The following KCNIP1 variants were observed in gnomAD, a reference collection of about 807,000 sequenced individuals.
KCNIP1 encodes the protein A-type potassium channel modulatory protein KCNIP1.
KCNIP1 carries 18 observed loss-of-function variants against 33.0 expected under a neutral mutation model. That is an observed-to-expected ratio of 0.55 (90% CI 0.38 to 0.81). KCNIP1 has a LOEUF of 0.81. Among genes scored for constraint, KCNIP1 ranks in the 30% least tolerant of loss-of-function variants. The probability of loss-of-function intolerance (pLI) is 0.00; values close to 1 mark genes in which losing one functional copy is unlikely to be tolerated. For synonymous variants in KCNIP1, 93 were observed against 98.3 expected (o/e 0.95, Z 0.32); for missense variants, 238 against 271.6 (o/e 0.88, Z 0.87).
chr5:170,388,662 GT>G (rs1764585276), intron 1 of KCNIP1, among the ~76,000 whole-genome samples: 1 of 152,204 alleles, frequency 6.6e-6, no homozygotes, highest in South Asian at 2.1e-4. Context: ...AGAGTACATT[GT>G]TGAACAGTTT....
intron 1 of KCNIP1, among the ~76,000 whole-genome samples, chr5:170,399,653 A>G (rs1754846800): frequency 6.6e-6 from 1 of 152,264 alleles, no homozygotes; most frequent in East Asian, 1.9e-4. Flanking sequence ...GGAATATACT[A>G]TACAATTTAA....
chr5:170,702,198 C>T (rs1243722953), intron 1 of KCNIP1, among the ~76,000 whole-genome samples: 2 of 152,162 alleles, frequency 1.3e-5, no homozygotes, highest in African/African-American at 2.4e-5. Context: ...TAGAAGAGTG[C>T]TTGGCACCTA....
intron 1 of KCNIP1, among the ~76,000 whole-genome samples, chr5:170,445,461 G>A (rs1237838039): frequency 1.3e-5 from 2 of 152,188 alleles, no homozygotes; most frequent in African/African-American, 2.4e-5. Flanking sequence ...GGATTCCTGG[G>A]GTGGCAGCTA....
intron 1 of KCNIP1, among the ~76,000 whole-genome samples, chr5:170,421,328 G>A (rs186185046): frequency 1.3e-3 from 192 of 152,264 alleles, no homozygotes; most frequent in African/African-American, 4.2e-3. Context: ...ACCCAGTTTC[G>A]CCATGTGGTT....
chr5:170,361,248 G>T (rs1055574208), intron 1 of KCNIP1, among the ~76,000 whole-genome samples: 2 of 152,292 alleles, frequency 1.3e-5, no homozygotes, highest in Admixed American at 6.5e-5. Context: ...GAGGAGCTTT[G>T]GGGGAGAGGA....
intron 1 of KCNIP1, among the ~76,000 whole-genome samples, chr5:170,653,499 C>G (rs1480294494): frequency 6.6e-6 from 1 of 152,080 alleles, no homozygotes; most frequent in African/African-American, 2.4e-5. Flanking sequence ...TCTGCCCAAT[C>G]CAGCCTCAGG....
chr5:170,630,679 AG>A (rs2113670415), intron 1 of KCNIP1, among the ~76,000 whole-genome samples: 1 of 152,358 alleles, frequency 6.6e-6, no homozygotes, highest in Non-Finnish European at 1.5e-5. Context: ...CATCAAGACC[AG>A]GGGTCAGGGA....
intron 1 of KCNIP1, among the ~76,000 whole-genome samples, chr5:170,405,654 G>A (rs1420411085): frequency 6.6e-6 from 1 of 152,206 alleles, no homozygotes; most frequent in Non-Finnish European, 1.5e-5. Flanking sequence ...AAAAGTATTA[G>A]TGTCTGTGGT....
intron 1 of KCNIP1, among the ~76,000 whole-genome samples, chr5:170,570,637 G>A (rs1352543514): frequency 6.6e-6 from 1 of 152,220 alleles, no homozygotes; most frequent in Non-Finnish European, 1.5e-5. Context: ...AGGGCTCAAA[G>A]GAATCGATTC....
At chr5:170,646,865 C>G (rs919480352) in intron 1 of KCNIP1, among the ~76,000 whole-genome samples, 2 of 152,084 alleles carry the variant, frequency 1.3e-5, no homozygotes, top group African/African-American at 4.8e-5. Flanking sequence ...AAAACAAAAA[C>G]CTCATGTAAC....
intron 1 of KCNIP1, among the ~76,000 whole-genome samples, chr5:170,386,298 G>A (rs188009996): frequency 2.3e-4 from 35 of 152,322 alleles, no homozygotes; most frequent in Admixed American, 2.0e-3. Context: ...CAATTAGAGT[G>A]ATGTGACCAC....
intron 1 of KCNIP1, among the ~76,000 whole-genome samples, chr5:170,561,766 C>A (rs1050931329): frequency 6.6e-6 from 1 of 152,176 alleles, no homozygotes; most frequent in African/African-American, 2.4e-5. Context: ...GTTCCCACTG[C>A]GTGGTGGGCA....
At chr5:170,385,230 G>A in intron 1 of KCNIP1, 1 of 1,441,062 alleles carries the variant, frequency 6.9e-7, no homozygotes. Flanking sequence ...CAAGGAGAGG[G>A]GTGAGTAGAA....
chr5:170,398,453 C>G (rs919929643), intron 1 of KCNIP1, among the ~76,000 whole-genome samples: 9 of 152,224 alleles, frequency 5.9e-5, no homozygotes, highest in Non-Finnish European at 1.2e-4. Context: ...TAATTTCACA[C>G]ATAATCACCA....
chr5:170,729,883 G>A (rs1764136439), intron 5 of KCNIP1, among the ~76,000 whole-genome samples: 1 of 151,936 alleles, frequency 6.6e-6, no homozygotes, highest in Admixed American at 6.6e-5. Context: ...TATGTCCCAA[G>A]GAAATAAAGA....
At chr5:170,425,766 G>A (rs1755599693) in intron 1 of KCNIP1, among the ~76,000 whole-genome samples, 1 of 152,204 alleles carries the variant, frequency 6.6e-6, no homozygotes, top group Admixed American at 6.5e-5. Flanking sequence ...GGCTCTGGGT[G>A]TCAGTCCCCT....
chr5:170,407,009 G>A (rs968357385), intron 1 of KCNIP1, among the ~76,000 whole-genome samples: 5 of 152,194 alleles, frequency 3.3e-5, no homozygotes, highest in African/African-American at 4.8e-5. Flanking sequence ...TCTCTTGCTC[G>A]CAAGATACTC....
intron 1 of KCNIP1, among the ~76,000 whole-genome samples, chr5:170,407,902 C>T (rs892706231): frequency 6.6e-6 from 1 of 152,166 alleles, no homozygotes; most frequent in Non-Finnish European, 1.5e-5. Context: ...ACTATGGTGG[C>T]ATCTTAGCTA....
chr5:170,673,909 G>T (rs1177360613), intron 1 of KCNIP1, among the ~76,000 whole-genome samples: 2 of 152,018 alleles, frequency 1.3e-5, no homozygotes, highest in African/African-American at 4.8e-5. Flanking sequence ...GGGTAAATTA[G>T]TAAAACAACT....
Sources: allele counts gnomAD v4.1 joint callset (sites outside exome capture counted in the v4.1 genomes callset), GRCh38; gene constraint gnomAD v4.1.1; transcripts MANE v1.5; gene names NCBI Gene and HGNC (gene_info 2026-07-23, HGNC 2026-07-21).